The following GPR108 variants were observed in gnomAD, a reference collection of about 807,000 sequenced individuals.
GPR108 encodes G protein-coupled receptor 108.
GPR108 carries 60 observed loss-of-function variants against 74.3 expected under a neutral mutation model. The ratio of observed to expected loss-of-function variants is 0.81; its 90% CI spans 0.66 to 1.00. The LOEUF (loss-of-function observed/expected upper bound fraction) is 1.00. GPR108 is among the 50% of genes least tolerant of loss of function. GPR108 has a pLI of 0.00. For missense variants in GPR108, 667 were observed against 703.3 expected (o/e 0.95, Z 0.58); for synonymous variants, 311 against 292.4 (o/e 1.06, Z -0.65).
chr19:6,737,341 G>C, intron 1 of GPR108, 116 bp downstream of exon 1: 1 of 1,296,006 alleles, frequency 7.7e-7, no homozygotes, highest in South Asian at 1.6e-5. Flanking sequence ...GGGGGGCGCC[G>C]GACCACTCCA....
Position 6,734,005 on chromosome 19 carries a change from C to G in GPR108, c.549G>C (p.Gln183His). 2 of 1,614,184 alleles carry G rather than the reference C, an allele frequency of 1.2e-6. No homozygotes were observed. The highest frequency in any genetic ancestry group is 2.2e-5 in the South Asian group (2 of 91,084). The change falls in exon 6 of 18, where the codon CAG (glutamine) becomes CAC (histidine). Residue 183 changes from glutamine (Q) to histidine (H), a missense_variant and splice_region_variant. Coordinates refer to ENST00000264080, the MANE Select transcript of GPR108 (RefSeq NM_001080452.2). The stretch of plus-strand genomic sequence containing the variant: ...CCCTCCTGCCCCGCCTCCCCGAAAC[C>G]TGAATCACTGCGGGTGTTGACTTGG... ...SKPKSTPAVI[Q>H]GPSGKDKDLV...
rs1334388568 is a variant in GPR108, at chr19:6,733,669, G to A, written c.624C>T (p.His208=). The change falls in exon 8 of 18, where the codon CAC becomes CAT. Residue 208 remains histidine (H), a synonymous_variant. Transcript: ENST00000264080. Reference sequence around the variant, plus strand: ...CTTCCGCCTGAGAGCCGATCACCACGTGGAACTGGGCGGGCGGGGAGAGAG... The same window carrying A: ...CTTCCGCCTGAGAGCCGATCACCACATGGAACTGGGCGGGCGGGGAGAGAG... The part of the protein sequence containing the change: ...HLNNSYNFSF[H]VVIGSQAEEG... 12 of 1,613,836 alleles carry A rather than the reference G, an allele frequency of 7.4e-6. No individual in the cohort carries two copies. In the African/African-American group the frequency reaches 8.0e-5, roughly 11 times the overall value.
chr19:6,735,566 T>A, intron 4 of GPR108, 56 bp downstream of exon 4: 2 of 1,466,744 alleles, frequency 1.4e-6, no homozygotes, highest in Admixed American at 1.7e-5. Context: ...CGTGTGGGCA[T>A]CACACCAGGG....
In GPR108 at chr19:6,733,452, A is replaced by G. The variant is rs1968504933; in HGVS notation, c.723+118T>C. 4 of 1,303,640 alleles carry G rather than the reference A, an allele frequency of 3.1e-6. No homozygotes were observed. In the East Asian group the frequency reaches 9.7e-5, roughly 32 times the overall value. The allele number at this position is 1,303,640 out of a possible 1,614,324, so 80.8% of individuals were successfully genotyped here. ...TTGGCCCCGTCTCTCAAATGGGTAT[A>G]ACAGCTCCTACTTCGCACCCGGGAG... On this transcript the variant is annotated intron_variant, in intron 8 of 17. Transcript: ENST00000264080.
Position 6,735,668 on chromosome 19 carries a change from T to C in GPR108, c.328A>G (p.Ser110Gly). 6.2e-7 allele frequency: 1 copy of C among 1,614,072 alleles called. No homozygotes were observed. Among genetic ancestry groups the C allele is most frequent in the Non-Finnish European group, 8.5e-7 (1 of 1,180,010 alleles). The change falls in exon 4 of 18, where the codon AGT becomes GGT. Residue 110 changes from serine to glycine, a missense_variant. Transcript: ENST00000264080. ...AGGAACAGGACCAGGAAACTGCTAC[T>C]GTTTTTCTGGAGAGGGCAGTCCTGG... ...DFQDCPLQKN[S>G]SSFLVLFLIN...
intron 4 of GPR108, among the ~76,000 whole-genome samples, chr19:6,734,940 G>A (rs1382416169): frequency 2.0e-5 from 3 of 151,658 alleles, no homozygotes; most frequent in African/African-American, 4.8e-5. Context: ...GAGTGCAGCA[G>A]TGCAAACTTG....
Position 6,734,327 on chromosome 19 carries a change from G to GGGCATGAGGCTGGGGGGC in GPR108, c.375-38_375-21dup. 6.2e-7 allele frequency: 1 copy of GGGCATGAGGCTGGGGGGC among 1,609,890 alleles called. No individual in the cohort carries two copies. Among genetic ancestry groups the GGGCATGAGGCTGGGGGGC allele is most frequent in the Non-Finnish European group, 8.5e-7 (1 of 1,178,546 alleles). ...TGGACCCTGGGGTGAGGGTGGGGTG[G>GGGCATGAGGCTGGGGGGC]GGCATGAGGCTGGGGGGCTGAACTT... On this transcript the variant is annotated intron_variant, in intron 4 of 17. Coordinates refer to ENST00000264080, the MANE Select transcript of GPR108 (RefSeq NM_001080452.2).
At chr19:6,737,401 C>A in intron 1 of GPR108, 56 bp downstream of exon 1, 4 of 1,557,340 alleles carry the variant, frequency 2.6e-6, no homozygotes, top group Non-Finnish European at 3.4e-6. Flanking sequence ...AGCCAGGGGG[C>A]TTCTCCGAGA....
chr19:6,731,545 C>A, intron 14 of GPR108, 23 bp from the exon 15 acceptor site: 1 of 583,674 alleles, frequency 1.7e-6, no homozygotes, highest in Non-Finnish European at 2.1e-6. Flanking sequence ...ACAGAGAGGG[C>A]GGTCAGGGGA....
rs764231219 is a variant in GPR108, at chr19:6,733,711, G to A, written c.619-37C>T. ...GGGAGAGAGGAGGGCTCAGCCTGGGGGACCCGTGGTCTGGGGCGACAATCA... is the reference window on the plus strand; with the variant it reads ...GGGAGAGAGGAGGGCTCAGCCTGGGAGACCCGTGGTCTGGGGCGACAATCA... On this transcript the variant is annotated intron_variant, in intron 7 of 17. Transcript: ENST00000264080. The A allele has an allele frequency of 8.8e-6, 14 of 1,599,738 alleles. No homozygotes were observed. In the East Asian group the frequency reaches 2.2e-4, roughly 25 times the overall value.
chr19:6,737,138 G>A (rs1421093034), intron 1 of GPR108: 2 of 405,452 alleles, frequency 4.9e-6, no homozygotes, highest in African/African-American at 2.1e-5. Flanking sequence ...CGGCTCCAGG[G>A]TCTCTAGCGC....
rs149776659 is a variant in GPR108 at position 6,734,505 on chromosome 19, C to T, written c.375-198G>A. Among the ~76,000 whole-genome samples, 1,250 of 152,304 alleles carry T rather than the reference C, an allele frequency of 8.2e-3. 11 individuals are homozygous for T. The highest frequency in any genetic ancestry group is 0.028 in the African/African-American group (1,146 of 41,556). On this transcript the variant is annotated intron_variant, in intron 4 of 17. Transcript: ENST00000264080. ...GCCGCCTTCCTGTGCTGCCTGCATC[C>T]GCAGTTATTCGTCATTTCCCATGAC...
At chr19:6,733,516 C>A in intron 8 of GPR108, 54 bp downstream of exon 8, 2 of 1,543,010 alleles carry the variant, frequency 1.3e-6, no homozygotes, top group Non-Finnish European at 1.8e-6. Flanking sequence ...ACTCTGGGCC[C>A]GCAGTGGCCT....
Position 6,731,295 on chromosome 19 carries a change from G to A in GPR108, c.1351-13C>T, listed in dbSNP as rs769533179. The A allele has an allele frequency of 1.8e-5, 27 of 1,541,990 alleles. No homozygotes were observed. The highest frequency in any genetic ancestry group is 4.1e-5 in the African/African-American group (3 of 72,894). On this transcript the variant is annotated splice_polypyrimidine_tract_variant and intron_variant, in intron 15 of 17. Coordinates refer to ENST00000264080, the MANE Select transcript of GPR108 (RefSeq NM_001080452.2). ...CGTAGCAGATGACCTGCAGGGGCGC[G>A]AGCAGGCGTGGGGCCAGGACTGTAG...
At chr19:6,736,104 G>A (rs1236194673) in intron 2 of GPR108, 146 bp from the exon 3 acceptor site, 2 of 721,434 alleles carry the variant, frequency 2.8e-6, no homozygotes, top group Admixed American at 2.7e-5. Context: ...CTTTTTTAGA[G>A]TTGGGGTGGT....
chr19:6,733,457 C>T, intron 8 of GPR108, 113 bp downstream of exon 8: 1 of 1,318,866 alleles, frequency 7.6e-7, no homozygotes, highest in Non-Finnish European at 1.1e-6. Context: ...GGTATAACAG[C>T]TCCTACTTCG....
intron 4 of GPR108, among the ~76,000 whole-genome samples, chr19:6,734,903 C>G (rs1436113114): frequency 6.8e-6 from 1 of 147,364 alleles, no homozygotes; most frequent in Non-Finnish European, 1.5e-5. Flanking sequence ...TATTTTGAGA[C>G]AGGCTCTTGA....
At position 6,734,035 on chromosome 19, in the gene GPR108, G is replaced by A. The variant is rs1968531716; in HGVS notation, c.519C>T (p.Ser173=). ...KVDGGGTSAA[S]KPKSTPAVIQ... is the part of the protein sequence containing the mutation. ...TCACTGCGGGTGTTGACTTGGGCTT[G>A]CTGGCTGCAGAGGTCCCTCCTGTAA... The change falls in exon 6 of 18, where the codon AGC becomes AGT. Residue 173 remains serine, a synonymous_variant. Coordinates refer to ENST00000264080, the MANE Select transcript of GPR108 (RefSeq NM_001080452.2). The A allele has an allele frequency of 6.2e-7, 1 of 1,614,060 alleles. No homozygotes were observed. The highest frequency in any genetic ancestry group is 1.7e-5 in the Admixed American group (1 of 60,012).
In GPR108 at chr19:6,737,436, C is replaced by G. The variant is rs755368988; in HGVS notation, c.120+21G>C. On this transcript the variant is annotated intron_variant, in intron 1 of 17. Coordinates refer to ENST00000264080, the MANE Select transcript of GPR108 (RefSeq NM_001080452.2). ...ACAAAGTTGCGCCACCGACCCCAGA[C>G]CCTCGCGCGGCGGGCCTCACCGTCA... 2.5e-6 allele frequency: 4 copies of G among 1,586,036 alleles called. No homozygotes were observed. The Middle Eastern group carries it at 5.2e-4, about 205-fold the overall frequency.
Sources: gnomAD v4.1 joint callset for allele counts (sites outside exome capture counted in the v4.1 genomes callset) on GRCh38, gnomAD v4.1.1 for gene constraint, MANE v1.5 for transcripts, NCBI Gene and HGNC (gene_info 2026-07-23, HGNC 2026-07-21) for gene names.